The following DPP10 variants were observed in gnomAD, a reference collection of about 807,000 sequenced individuals.
DPP10 encodes inactive dipeptidyl peptidase 10.
In DPP10, 33 loss-of-function variants were observed where a neutral mutation model predicts 120.9. The ratio of observed to expected loss-of-function variants is 0.27; its 90% CI spans 0.21 to 0.37. The LOEUF (loss-of-function observed/expected upper bound fraction) is 0.37, where lower values mean the gene tolerates loss of function less well. Ranked by LOEUF, DPP10 falls within the 10% of genes least tolerant of loss-of-function variation. The pLI, the probability that DPP10 is intolerant of heterozygous loss-of-function variation, is 1.00. For synonymous variants in DPP10, 337 were observed against 326.1 expected (o/e 1.03, Z -0.36); for missense variants, 816 against 942.8 (o/e 0.87, Z 1.76).
chr2:115,728,973 T>C (rs1348114691), intron 8 of DPP10, among the ~76,000 whole-genome samples: 1 of 152,242 alleles, frequency 6.6e-6, no homozygotes, highest in Non-Finnish European at 1.5e-5. Context: ...CATGTATATT[T>C]ATATCTATAA....
intron 1 of DPP10, among the ~76,000 whole-genome samples, chr2:115,113,930 G>C (rs2049364154): frequency 6.6e-6 from 1 of 152,116 alleles, no homozygotes; most frequent in Non-Finnish European, 1.5e-5. Context: ...AACTGAAACA[G>C]AGTCTAGAAG....
chr2:115,009,046 A>C (rs1702065719), intron 1 of DPP10, among the ~76,000 whole-genome samples: 1 of 69,850 alleles, frequency 1.4e-5, no homozygotes, highest in Non-Finnish European at 3.0e-5. Context: ...CTAGAACTAG[A>C]AATACCATTT....
Position 115,815,172 on chromosome 2 carries a change from G to T in DPP10, c.1895+185G>T, listed in dbSNP as rs72830505. ...TGTCACCCTTAGTGCTATAATAAAA[G>T]AATTCTCATATTTCCCCTCTGGAAT... On this transcript the variant is annotated intron_variant, in intron 20 of 25. Coordinates refer to ENST00000410059, the MANE Select transcript of DPP10 (RefSeq NM_020868.6). 3.5e-3 allele frequency among the ~76,000 whole-genome samples: 531 copies of T among 151,932 alleles called. 3 individuals are homozygous for T. The highest frequency in any genetic ancestry group is 5.8e-3 in the Non-Finnish European group (394 of 67,966).
At chr2:114,497,272 CAT>C (rs367698321) in intron 1 of DPP10, among the ~76,000 whole-genome samples, 2 of 50,634 alleles carry the variant, frequency 3.9e-5, no homozygotes, top group Admixed American at 1.9e-4. Context: ...TATACATGTA[CAT>C]GTATACGTGT....
Position 115,667,222 on chromosome 2 carries a change from G to A in DPP10, c.442-22465G>A, listed in dbSNP as rs115009339. On this transcript the variant is annotated intron_variant, in intron 5 of 25. Coordinates refer to ENST00000410059, the MANE Select transcript of DPP10 (RefSeq NM_020868.6). ...GTTATTTGTTTTTACTTGTTGATTTGTTTAAGTTCCTTATAGATTCTGGAT... is the reference window on the plus strand; with the variant it reads ...GTTATTTGTTTTTACTTGTTGATTTATTTAAGTTCCTTATAGATTCTGGAT... 8.9e-3 allele frequency among the ~76,000 whole-genome samples: 1,352 copies of A among 152,048 alleles called. 19 individuals carry two copies. Among genetic ancestry groups the A allele is most frequent in the African/African-American group, 0.028 (1,175 of 41,474 alleles).
At chr2:114,784,943 C>T (rs1682641344) in intron 1 of DPP10, among the ~76,000 whole-genome samples, 1 of 152,212 alleles carries the variant, frequency 6.6e-6, no homozygotes, top group African/African-American at 2.4e-5. Context: ...GCCTGCAATT[C>T]TTATTCTCTT....
chr2:115,340,826 T>G (rs1257574922), intron 2 of DPP10, among the ~76,000 whole-genome samples: 1 of 151,916 alleles, frequency 6.6e-6, no homozygotes, highest in Non-Finnish European at 1.5e-5. Context: ...GCATAATTTC[T>G]CTCACTGAAA....
chr2:114,500,331 G>A (rs1337878290), intron 1 of DPP10, among the ~76,000 whole-genome samples: 1 of 152,194 alleles, frequency 6.6e-6, no homozygotes, highest in East Asian at 1.9e-4. Flanking sequence ...AGGTCTACAT[G>A]TAATACACAT....
intron 7 of DPP10, among the ~76,000 whole-genome samples, chr2:115,724,617 G>T (rs532621448): frequency 2.6e-5 from 4 of 152,280 alleles, no homozygotes; most frequent in Admixed American, 2.6e-4. Flanking sequence ...GACTGGCTCT[G>T]CAAATTGAAG....
chr2:114,927,652 T>C (rs570834142), intron 1 of DPP10, among the ~76,000 whole-genome samples: 1 of 152,338 alleles, frequency 6.6e-6, no homozygotes, highest in Non-Finnish European at 1.5e-5. Flanking sequence ...CCCTGAGAAG[T>C]TCCCAGCTTG....
chr2:115,063,429 T>G (rs1321928345), intron 1 of DPP10, among the ~76,000 whole-genome samples: 4 of 152,080 alleles, frequency 2.6e-5, no homozygotes, highest in Admixed American at 6.6e-5. Context: ...TTTGTTTCAA[T>G]TGTTACCAAA....
chr2:115,129,059 T>C (rs1321845533), intron 1 of DPP10, among the ~76,000 whole-genome samples: 2 of 152,150 alleles, frequency 1.3e-5, no homozygotes, highest in African/African-American at 2.4e-5. Context: ...TCTGGCAATG[T>C]TTCCCTCTTC....
intron 1 of DPP10, among the ~76,000 whole-genome samples, chr2:114,846,995 T>C (rs1688594685): frequency 6.6e-6 from 1 of 152,148 alleles, no homozygotes; most frequent in South Asian, 2.1e-4. Context: ...AACCCTATTA[T>C]GGTATGGTTT....
At chr2:115,572,525 A>G (rs1222772438) in intron 5 of DPP10, among the ~76,000 whole-genome samples, 2 of 152,198 alleles carry the variant, frequency 1.3e-5, no homozygotes, top group Non-Finnish European at 2.9e-5. Context: ...TGTATGTTAT[A>G]TGCATACAAA....
chr2:114,479,736 T>C (rs1218339729), intron 1 of DPP10, among the ~76,000 whole-genome samples: 1 of 152,168 alleles, frequency 6.6e-6, no homozygotes, highest in Admixed American at 6.5e-5. Context: ...AAGACTTAAA[T>C]GTTAGACCCA....
chr2:115,090,314 G>A (rs1190791252), intron 1 of DPP10, among the ~76,000 whole-genome samples: 2 of 152,084 alleles, frequency 1.3e-5, no homozygotes, highest in African/African-American at 4.8e-5. Context: ...TGTAGTCCCT[G>A]GGTATTCTTC....
chr2:115,155,071 T>A (rs78026965), intron 1 of DPP10, among the ~76,000 whole-genome samples: 175 of 148,840 alleles, frequency 1.2e-3, no homozygotes, highest in African/African-American at 2.5e-3. Flanking sequence ...TTATTTATTT[T>A]TTTTTTTTGG....
chr2:114,659,909 T>C (rs1697265186), intron 1 of DPP10, among the ~76,000 whole-genome samples: 1 of 152,162 alleles, frequency 6.6e-6, no homozygotes, highest in Non-Finnish European at 1.5e-5. Flanking sequence ...TATCAAGTGT[T>C]GCCAGCAACC....
chr2:114,798,937 T>C (rs1313144661), intron 1 of DPP10, among the ~76,000 whole-genome samples: 1 of 152,130 alleles, frequency 6.6e-6, no homozygotes, highest in African/African-American at 2.4e-5. Flanking sequence ...GAGACCAGCC[T>C]GGTCAACATG....
Sources: allele counts gnomAD v4.1 joint callset (sites outside exome capture counted in the v4.1 genomes callset), GRCh38; gene constraint gnomAD v4.1.1; transcripts MANE v1.5; gene names NCBI Gene and HGNC (gene_info 2026-07-23, HGNC 2026-07-21).